The following SLC39A11 variants were observed in gnomAD, a reference collection of about 807,000 sequenced individuals.
SLC39A11 encodes zinc transporter ZIP11.
In SLC39A11, 33 loss-of-function variants were observed where a neutral mutation model predicts 36.1. The ratio of observed to expected loss-of-function variants is 0.91; its 90% CI spans 0.69 to 1.22. SLC39A11 has a LOEUF of 1.22. SLC39A11 is among the 50% of genes most tolerant of loss of function. The probability of loss-of-function intolerance (pLI) is 0.00; values close to 1 mark genes in which losing one functional copy is unlikely to be tolerated. For synonymous variants in SLC39A11, 166 were observed against 170.3 expected (o/e 0.97, Z 0.20); for missense variants, 432 against 430.3 (o/e 1.00, Z -0.03).
intron 5 of SLC39A11, among the ~76,000 whole-genome samples, chr17:72,932,433 T>C (rs972356404): frequency 6.6e-5 from 10 of 151,976 alleles, no homozygotes; most frequent in Admixed American, 2.0e-4. Context: ...CCTAATGTTA[T>C]CCCTCCCCTA....
intron 6 of SLC39A11, among the ~76,000 whole-genome samples, chr17:72,809,199 TTC>T (rs66472539): frequency 0.43 from 43,669 of 101,922 alleles, 7,449 homozygotes; most frequent in East Asian, 0.55. Context: ...TTTCTTTTCT[TTC>T]TCTCTCTCTC....
chr17:72,947,503 A>G, intron 5 of SLC39A11: 1 of 553,490 alleles, frequency 1.8e-6, no homozygotes, highest in Non-Finnish European at 3.2e-6. Flanking sequence ...TCCAAGTCGA[A>G]AAGATGATCA....
chr17:72,757,414 G>A (rs1267995095), intron 6 of SLC39A11, among the ~76,000 whole-genome samples: 1 of 152,114 alleles, frequency 6.6e-6, no homozygotes, highest in Admixed American at 6.5e-5. Context: ...GTTATTTCCT[G>A]GTGGTGGGAA....
intron 9 of SLC39A11, 121 bp from the exon 10 acceptor site, chr17:72,647,783 A>G (rs945685755): frequency 2.6e-5 from 19 of 740,988 alleles, no homozygotes; most frequent in Admixed American, 1.9e-4. Context: ...TAATAATGGT[A>G]ACATTTACTG....
At chr17:72,957,672 A>G (rs1598592355) in intron 4 of SLC39A11, among the ~76,000 whole-genome samples, 1 of 152,320 alleles carries the variant, frequency 6.6e-6, no homozygotes, top group Non-Finnish European at 1.5e-5. Flanking sequence ...TATAAAAATC[A>G]GCCAGGCGTG....
At chr17:73,027,782 G>A (rs2058609029) in intron 4 of SLC39A11, among the ~76,000 whole-genome samples, 1 of 152,200 alleles carries the variant, frequency 6.6e-6, no homozygotes, top group African/African-American at 2.4e-5. Flanking sequence ...CCCAGGCATT[G>A]GGGCCTGTGC....
chr17:72,934,425 G>A (rs1423492284), intron 5 of SLC39A11, among the ~76,000 whole-genome samples: 1 of 152,174 alleles, frequency 6.6e-6, no homozygotes, highest in African/African-American at 2.4e-5. Flanking sequence ...CAGCACTTTG[G>A]GAGGCTGAGG....
intron 6 of SLC39A11, among the ~76,000 whole-genome samples, chr17:72,806,260 A>G (rs930940920): frequency 2.0e-5 from 3 of 152,210 alleles, no homozygotes; most frequent in Admixed American, 1.3e-4. Context: ...GGAAGGGTAC[A>G]AGTCTGAAAA....
intron 3 of SLC39A11, among the ~76,000 whole-genome samples, chr17:73,046,294 C>T (rs1389349826): frequency 6.6e-6 from 1 of 152,162 alleles, no homozygotes; most frequent in Non-Finnish European, 1.5e-5. Context: ...CATTCCACCA[C>T]TCGTGAAAAT....
At chr17:72,677,894 T>C (rs1322660421) in intron 7 of SLC39A11, among the ~76,000 whole-genome samples, 3 of 152,192 alleles carry the variant, frequency 2.0e-5, no homozygotes, top group Non-Finnish European at 4.4e-5. Context: ...TTTCCCCTGA[T>C]ACTCAAGGTC....
At position 72,754,615 on chromosome 17, in the gene SLC39A11, C is replaced by G. The variant is rs188395560; in HGVS notation, c.602-17896G>C. ...CCATTACAGCACTGGAATGATGGGA[C>G]AGTGGATTCCTTATGTGGCTCCCTC... On this transcript the variant is annotated intron_variant, in intron 6 of 9. Transcript: ENST00000255559. 3.3e-5 allele frequency among the ~76,000 whole-genome samples: 5 copies of G among 152,202 alleles called. No individual in the cohort carries two copies. The East Asian group carries it at 9.7e-4, about 29-fold the overall frequency.
chr17:72,747,457 C>T (rs1051164314), intron 6 of SLC39A11, among the ~76,000 whole-genome samples: 2 of 152,196 alleles, frequency 1.3e-5, no homozygotes, highest in African/African-American at 2.4e-5. Flanking sequence ...TGGCCAAGGA[C>T]AAGCTCGGCT....
intron 3 of SLC39A11, among the ~76,000 whole-genome samples, chr17:73,049,439 G>A (rs538502295): frequency 6.6e-6 from 1 of 152,340 alleles, no homozygotes; most frequent in South Asian, 2.1e-4. Flanking sequence ...TTAGGGAACA[G>A]AAGAGGTCAA....
intron 6 of SLC39A11, among the ~76,000 whole-genome samples, chr17:72,786,330 G>A: frequency 6.6e-6 from 1 of 152,310 alleles, no homozygotes; most frequent in Admixed American, 6.5e-5. Context: ...GGCACTTCCA[G>A]ACAATTAACC....
intron 5 of SLC39A11, among the ~76,000 whole-genome samples, chr17:72,912,489 C>T (rs1475554425): frequency 2.7e-5 from 4 of 150,308 alleles, no homozygotes; most frequent in Non-Finnish European, 5.9e-5. Flanking sequence ...GGCTGGAGTG[C>T]AGTGGCATGA....
intron 4 of SLC39A11, among the ~76,000 whole-genome samples, chr17:73,014,856 C>A (rs1177612732): frequency 2.0e-5 from 3 of 152,128 alleles, no homozygotes; most frequent in African/African-American, 4.8e-5. Flanking sequence ...TGTATTCGTG[C>A]GTGACATCTT....
chr17:72,665,962 T>A (rs4414537), intron 7 of SLC39A11, among the ~76,000 whole-genome samples: 109,922 of 152,032 alleles, frequency 0.72, 40,370 homozygotes, highest in African/African-American at 0.86. Context: ...AAGCACATAG[T>A]CAAATGCCAG....
At chr17:72,981,126 CAT>C (rs1387154588) in intron 4 of SLC39A11, among the ~76,000 whole-genome samples, 1 of 151,864 alleles carries the variant, frequency 6.6e-6, no homozygotes, top group Non-Finnish European at 1.5e-5. Flanking sequence ...ATTGTAATAA[CAT>C]ATTTTATTTT....
rs1429092028 is a variant in SLC39A11 at position 72,701,701 on chromosome 17, C to A, written c.671+34949G>T. On this transcript the variant is annotated intron_variant, in intron 7 of 9. Coordinates refer to ENST00000255559, the MANE Select transcript of SLC39A11 (RefSeq NM_139177.4). ...CGAGGTTGTACCACTGTACTCCAGC[C>A]TGGGAGACAGAGGGAGATTCTGTCT... is the stretch of plus-strand genomic sequence containing the variant. Among the ~76,000 whole-genome samples the A allele has an allele frequency of 1.6e-5, 2 of 123,088 alleles. 1 individual carries two copies. Among genetic ancestry groups the A allele is most frequent in the Middle Eastern group, 0.011 (2 of 178 alleles). 80.8% of individuals were successfully genotyped at this position (123,088 alleles called of 152,430 possible). A position where few individuals can be genotyped will look rare whatever the true frequency, so the allele number is the denominator to read the frequency against.
Sources: allele counts gnomAD v4.1 joint callset (sites outside exome capture counted in the v4.1 genomes callset), GRCh38; gene constraint gnomAD v4.1.1; transcripts MANE v1.5; gene names NCBI Gene and HGNC (gene_info 2026-07-23, HGNC 2026-07-21).